The following CLYBL variants were observed in gnomAD, a reference collection of about 807,000 sequenced individuals.
CLYBL encodes the protein citramalyl-CoA lyase, mitochondrial.
In CLYBL, 31 loss-of-function variants were observed where a neutral mutation model predicts 38.9. The observed-to-expected ratio is 0.80, with a 90% CI of 0.60 to 1.08. The LOEUF is 1.08. Ranked by LOEUF, CLYBL falls within the 50% of genes least tolerant of loss-of-function variation. CLYBL has a pLI of 0.00. For missense variants in CLYBL, 434 were observed against 411.6 expected, an observed-to-expected ratio of 1.05 and a Z score of -0.47; for synonymous variants, 171 against 158.6, an observed-to-expected ratio of 1.08 and a Z score of -0.59.
intron 1 of CLYBL, among the ~76,000 whole-genome samples, chr13:99,611,700 A>G (rs1389385466): frequency 6.6e-6 from 1 of 152,224 alleles, no homozygotes; most frequent in African/African-American, 2.4e-5. Flanking sequence ...TAAATTTGGT[A>G]AGATTTTGCC....
At chr13:99,766,614 A>G (rs998364237) in intron 1 of CLYBL, among the ~76,000 whole-genome samples, 1 of 151,892 alleles carries the variant, frequency 6.6e-6, no homozygotes, top group Non-Finnish European at 1.5e-5. Context: ...TTGAAGGATT[A>G]TTCATTTAAT....
At chr13:99,893,426 G>C (rs2052529374), downstream of CLYBL, 1 of 152,392 alleles carries the variant, frequency 6.6e-6, no homozygotes, top group African/African-American at 2.4e-5. Flanking sequence ...AGGATGGCTT[G>C]GCAGTGGGAA....
chr13:99,640,254 A>C (rs181921863), intron 1 of CLYBL, among the ~76,000 whole-genome samples: 11 of 152,214 alleles, frequency 7.2e-5, no homozygotes, highest in African/African-American at 2.7e-4. Flanking sequence ...ATATTTGCTC[A>C]TCATATTATG....
At chr13:99,731,318 A>C (rs1047739766) in intron 1 of CLYBL, among the ~76,000 whole-genome samples, 1 of 150,784 alleles carries the variant, frequency 6.6e-6, no homozygotes, top group Non-Finnish European at 1.5e-5. Flanking sequence ...ATATATGTCT[A>C]TCTTAGCCTG....
intron 1 of CLYBL, among the ~76,000 whole-genome samples, chr13:99,639,936 A>G (rs1195616453): frequency 6.6e-6 from 1 of 152,240 alleles, no homozygotes; most frequent in Admixed American, 6.5e-5. Context: ...CATGATTTGA[A>G]TATATTTAGG....
At chr13:99,816,892 G>T (rs1227011862) in intron 2 of CLYBL, among the ~76,000 whole-genome samples, 1 of 152,210 alleles carries the variant, frequency 6.6e-6, no homozygotes, top group African/African-American at 2.4e-5. Context: ...GTGCCTTCAG[G>T]CTGGGGCTTC....
chr13:99,848,827 A>G (rs2051266615), intron 2 of CLYBL, among the ~76,000 whole-genome samples: 6 of 152,188 alleles, frequency 3.9e-5, no homozygotes, highest in Admixed American at 3.9e-4. Context: ...AAATCTGAGC[A>G]TGGCGGTGGT....
chr13:99,706,010 C>A (rs572100505), intron 1 of CLYBL, among the ~76,000 whole-genome samples: 2 of 151,854 alleles, frequency 1.3e-5, no homozygotes, highest in Non-Finnish European at 2.9e-5. Context: ...CGGCTCACTG[C>A]AACCTCCGCC....
chr13:99,695,981 G>T (rs7986437), intron 1 of CLYBL, among the ~76,000 whole-genome samples: 2 of 152,158 alleles, frequency 1.3e-5, no homozygotes, highest in Non-Finnish European at 2.9e-5. Context: ...GGGATATCGT[G>T]TTCTGAGCCC....
intron 2 of CLYBL, among the ~76,000 whole-genome samples, chr13:99,826,705 G>C (rs2050702239): frequency 6.6e-6 from 1 of 152,196 alleles, no homozygotes; most frequent in African/African-American, 2.4e-5. Flanking sequence ...TAAAAATCTT[G>C]ATCCATTTTA....
chr13:99,794,696 A>G (rs1028776511), intron 2 of CLYBL, among the ~76,000 whole-genome samples: 5 of 151,476 alleles, frequency 3.3e-5, no homozygotes, highest in Non-Finnish European at 7.4e-5. Flanking sequence ...AGTTCAACCA[A>G]TTCTCATGCC....
intron 1 of CLYBL, among the ~76,000 whole-genome samples, chr13:99,607,609 A>G (rs1353621073): frequency 6.6e-6 from 1 of 152,192 alleles, no homozygotes; most frequent in Admixed American, 6.5e-5. Context: ...CCATGTGAAG[A>G]AGTTGGGTGT....
In CLYBL at chr13:99,826,484, C is replaced by T. The variant is rs115104997; in HGVS notation, c.250-32377C>T. ...TTTCTCTGGACAGCCCTGACTGATA[C>T]AGCTGCTCTCTATCCAGAGATTACC... On this transcript the variant is annotated intron_variant, in intron 2 of 8. Coordinates refer to ENST00000339105, the MANE Select transcript of CLYBL (RefSeq NM_206808.5). Among the ~76,000 whole-genome samples the T allele has an allele frequency of 3.1e-3, 465 of 152,310 alleles. 5 individuals carry two copies. The highest frequency in any genetic ancestry group is 0.011 in the African/African-American group (453 of 41,568).
In CLYBL at chr13:99,790,693, G is replaced by C. The variant is rs781022409; in HGVS notation, c.249+17683G>C. On this transcript the variant is annotated intron_variant, in intron 2 of 8. Coordinates refer to ENST00000339105, the MANE Select transcript of CLYBL (RefSeq NM_206808.5). ...GTTCAGAAGCATCCAGTATTCTATC[G>C]GTTCATTTCTTGGAGAAGTCTCTCC... 3.9e-5 allele frequency among the ~76,000 whole-genome samples: 6 copies of C among 152,140 alleles called. No homozygotes were observed. The South Asian group carries it at 8.3e-4, about 21-fold the overall frequency.
At chr13:99,695,292 C>G (rs986366604) in intron 1 of CLYBL, among the ~76,000 whole-genome samples, 1 of 151,990 alleles carries the variant, frequency 6.6e-6, no homozygotes, top group Non-Finnish European at 1.5e-5. Flanking sequence ...ATGGCTGACA[C>G]CCCTATAACA....
At chr13:99,878,378 A>G (rs925096216) in intron 7 of CLYBL, among the ~76,000 whole-genome samples, 3 of 152,260 alleles carry the variant, frequency 2.0e-5, no homozygotes, top group Non-Finnish European at 2.9e-5. Flanking sequence ...ACAAACTGCT[A>G]TAAATGGCAT....
rs563247307 is a variant in CLYBL, at chr13:99,831,905, G to GT, written c.250-26952dup. Among the ~76,000 whole-genome samples, 17 of 152,228 alleles carry GT rather than the reference G, an allele frequency of 1.1e-4. No individual in the cohort carries two copies. The East Asian group carries it at 3.3e-3, about 29-fold the overall frequency. On this transcript the variant is annotated intron_variant, in intron 2 of 8. Coordinates refer to ENST00000339105, the MANE Select transcript of CLYBL (RefSeq NM_206808.5). Reference sequence around the variant, plus strand: ...GCAATAGTATCAATACAATTCTGCTGTTTTATTATACATTTATCAAACAGT... The same window carrying GT: ...GCAATAGTATCAATACAATTCTGCTGTTTTTATTATACATTTATCAAACAGT...
At chr13:99,738,518 C>T (rs1476764285) in intron 1 of CLYBL, among the ~76,000 whole-genome samples, 1 of 152,152 alleles carries the variant, frequency 6.6e-6, no homozygotes, top group Non-Finnish European at 1.5e-5. Context: ...AGGTAGGAGG[C>T]TGCCAAGTCT....
At chr13:99,847,663 A>C (rs1263434244) in intron 2 of CLYBL, among the ~76,000 whole-genome samples, 1 of 152,164 alleles carries the variant, frequency 6.6e-6, no homozygotes, top group Non-Finnish European at 1.5e-5. Context: ...CCACCTGAGA[A>C]ACCCACGTAC....
Sources: gnomAD v4.1 joint callset for allele counts (sites outside exome capture counted in the v4.1 genomes callset) on GRCh38, gnomAD v4.1.1 for gene constraint, MANE v1.5 for transcripts, NCBI Gene and HGNC (gene_info 2026-07-23, HGNC 2026-07-21) for gene names.